HTR2A: variants seen among roughly 807,000 people sequenced by gnomAD.
HTR2A encodes the protein 5-HT2 receptor.
HTR2A carries 14 observed loss-of-function variants against 31.0 expected under a neutral mutation model. The ratio of observed to expected loss-of-function variants is 0.45; its 90% CI spans 0.30 to 0.71. The LOEUF (loss-of-function observed/expected upper bound fraction) is 0.71, where lower values mean the gene tolerates loss of function less well. Among genes scored for constraint, HTR2A ranks in the 30% least tolerant of loss-of-function variants. The pLI is 0.09. For synonymous variants in HTR2A, 209 were observed against 225.2 expected (o/e 0.93, Z 0.64); for missense variants, 442 against 573.3 (o/e 0.77, Z 2.34).
chr13:46,853,558 C>T (rs1376248377), intron 3 of HTR2A, among the ~76,000 whole-genome samples: 1 of 152,158 alleles, frequency 6.6e-6, no homozygotes, highest in Non-Finnish European at 1.5e-5. Context: ...CTGTTTTAAA[C>T]CTCCCCAGAT....
Position 46,891,058 on chromosome 13 carries a change from A to C in HTR2A, c.613+1332T>G, listed in dbSNP as rs1470207357. On this transcript the variant is annotated intron_variant, in intron 3 of 3. Transcript: ENST00000542664. ...TGTTTCCTAAGGAAGGTACAGAAAG[A>C]ACAGGGCATGGTGCTGGAAGTTTAG... Among the ~76,000 whole-genome samples, 11 of 152,244 alleles carry C rather than the reference A, an allele frequency of 7.2e-5. 1 individual carries two copies. The highest frequency in any genetic ancestry group is 7.2e-4 in the Admixed American group (11 of 15,290).
At chr13:46,865,645 A>C (rs146340861) in intron 3 of HTR2A, among the ~76,000 whole-genome samples, 9 of 152,320 alleles carry the variant, frequency 5.9e-5, no homozygotes, top group Non-Finnish European at 1.3e-4. Context: ...GTGTGTACTG[A>C]CCACTGAAAA....
intron 3 of HTR2A, among the ~76,000 whole-genome samples, chr13:46,846,629 G>A (rs150478204): frequency 6.6e-6 from 1 of 152,294 alleles, no homozygotes; most frequent in African/African-American, 2.4e-5. Flanking sequence ...TGTGGATGGT[G>A]ACAATGAAGT....
At chr13:46,877,191 C>T (rs1221031490) in intron 3 of HTR2A, among the ~76,000 whole-genome samples, 2 of 152,044 alleles carry the variant, frequency 1.3e-5, no homozygotes, top group African/African-American at 4.8e-5. Flanking sequence ...ATTTAAAGAA[C>T]AAAAAAACTG....
chr13:46,895,815 T>C lies in HTR2A; in HGVS notation c.92A>G (p.Asp31Gly). ...LNDDTRLYSNDFNSGEANTSD... is the reference protein window; with the variant it reads ...LNDDTRLYSNGFNSGEANTSD... ...AGTGTTAGCTTCTCCGGAGTTAAAGTCATTACTGTAGAGCCTGGTGTCATC... is the reference window on the plus strand; with the variant it reads ...AGTGTTAGCTTCTCCGGAGTTAAAGCCATTACTGTAGAGCCTGGTGTCATC... Residue 31 changes from aspartate to glycine, a missense_variant, in exon 2 of 4, where the codon GAC (aspartate) becomes GGC (glycine). By Grantham distance (94) the Asp-to-Gly change is moderately conservative. Transcript: ENST00000542664. This position sits in a 1 kb window ranked among gnomAD's most constrained non-coding sequence, Gnocchi z 4.4. The C allele has an allele frequency of 6.2e-7, 1 of 1,614,140 alleles. No homozygotes were observed. The highest frequency in any genetic ancestry group is 8.5e-7 in the Non-Finnish European group (1 of 1,179,998).
intron 3 of HTR2A, among the ~76,000 whole-genome samples, chr13:46,855,028 G>A (rs966706542): frequency 1.3e-5 from 2 of 152,082 alleles, no homozygotes; most frequent in African/African-American, 4.8e-5. Context: ...ATTGGGAGAC[G>A]GAACTATAAG....
intron 3 of HTR2A, among the ~76,000 whole-genome samples, chr13:46,872,571 G>A (rs1950870851): frequency 6.6e-6 from 1 of 152,084 alleles, no homozygotes; most frequent in Non-Finnish European, 1.5e-5. Flanking sequence ...TGTTATGTCT[G>A]TTTATTTGAC....
rs542154956 is a variant in HTR2A, at chr13:46,871,518, TAAAC to T, written c.613+20868_613+20871del. ...ACTCATCCATAGTGGAAAAAGAAAA[TAAAC>T]AAGCAATTCAGAAAATACATTATTT... On this transcript the variant is annotated intron_variant, in intron 3 of 3. Coordinates refer to ENST00000542664, the MANE Select transcript of HTR2A (RefSeq NM_000621.5). Among the ~76,000 whole-genome samples, 32 of 152,252 alleles carry T rather than the reference TAAAC, an allele frequency of 2.1e-4. 1 individual carries two copies. Among genetic ancestry groups the T allele is most frequent in the Admixed American group, 1.8e-3 (28 of 15,292 alleles).
chr13:46,893,648 C>A (rs1951073201), intron 2 of HTR2A, among the ~76,000 whole-genome samples: 1 of 152,196 alleles, frequency 6.6e-6, no homozygotes, highest in South Asian at 2.1e-4. Context: ...TACTGCAGGT[C>A]ACCTGCTATA....
intron 2 of HTR2A, among the ~76,000 whole-genome samples, chr13:46,894,333 C>G (rs2138258418): frequency 6.6e-6 from 1 of 152,320 alleles, no homozygotes; most frequent in East Asian, 1.9e-4. Context: ...TCCTCCTACC[C>G]CCACTGGAGT....
Position 46,896,780 on chromosome 13 carries a change from C to A in HTR2A, c.-435G>T. 1.3e-6 allele frequency: 2 copies of A among 1,536,448 alleles called. No individual in the cohort carries two copies. The highest frequency in any genetic ancestry group is 2.4e-5 in the East Asian group (1 of 40,898). ...GAGTCCCCTCTTCTTGATCTTCCACCAGCATAATATGATAGTAATTTGGTT... is the reference window on the plus strand; with the variant it reads ...GAGTCCCCTCTTCTTGATCTTCCACAAGCATAATATGATAGTAATTTGGTT... On this transcript the variant is annotated 5_prime_UTR_variant, in exon 1 of 4. Coordinates refer to ENST00000542664, the MANE Select transcript of HTR2A (RefSeq NM_000621.5).
At chr13:46,897,706 G>A (rs1951114724), upstream of HTR2A, among the ~76,000 whole-genome samples, 1 of 152,196 alleles carries the variant, frequency 6.6e-6, no homozygotes, top group Non-Finnish European at 1.5e-5. Flanking sequence ...TTCCTCAATA[G>A]TTGGGTTTTG....
At chr13:46,837,308 A>T (rs910542214) in intron 3 of HTR2A, among the ~76,000 whole-genome samples, 6 of 152,210 alleles carry the variant, frequency 3.9e-5, no homozygotes, top group African/African-American at 1.4e-4. Context: ...TGGTTGGTCC[A>T]AGGCAATCAT....
intron 3 of HTR2A, among the ~76,000 whole-genome samples, chr13:46,882,229 TA>T (rs10648117): frequency 2.7e-5 from 4 of 148,734 alleles, no homozygotes; most frequent in Middle Eastern, 3.4e-3. Flanking sequence ...TCAGGGAAGT[TA>T]AAAAAAAAAG....
At chr13:46,876,124 T>C (rs1197744915) in intron 3 of HTR2A, among the ~76,000 whole-genome samples, 1 of 151,906 alleles carries the variant, frequency 6.6e-6, no homozygotes, top group Non-Finnish European at 1.5e-5. Flanking sequence ...CTGTTGCTTA[T>C]CGAGCCATAT....
At chr13:46,841,489 G>A (rs1950596727) in intron 3 of HTR2A, among the ~76,000 whole-genome samples, 1 of 151,768 alleles carries the variant, frequency 6.6e-6, no homozygotes, top group Admixed American at 6.6e-5. Flanking sequence ...GAATCACTGA[G>A]GGAGTTTTAA....
chr13:46,870,659 C>A (rs565263376), intron 3 of HTR2A, among the ~76,000 whole-genome samples: 2 of 152,234 alleles, frequency 1.3e-5, no homozygotes, highest in Non-Finnish European at 2.9e-5. Context: ...TGCAAAATAA[C>A]TTTGGAGATT....
At chr13:46,880,744 C>G (rs1950954324) in intron 3 of HTR2A, among the ~76,000 whole-genome samples, 1 of 151,970 alleles carries the variant, frequency 6.6e-6, no homozygotes, top group Non-Finnish European at 1.5e-5. Context: ...GAGGCTGAGG[C>G]AGGAGAATCA....
chr13:46,860,490 T>C (rs1201866347), intron 3 of HTR2A, among the ~76,000 whole-genome samples: 2 of 152,164 alleles, frequency 1.3e-5, no homozygotes, highest in Non-Finnish European at 2.9e-5. Flanking sequence ...ATCACCTTTA[T>C]GTTCTTTTGG....
Sources: allele counts gnomAD v4.1 joint callset (sites outside exome capture counted in the v4.1 genomes callset), GRCh38; gene constraint gnomAD v4.1.1; non-coding constraint Gnocchi (gnomAD v3.1); transcripts MANE v1.5; gene names NCBI Gene and HGNC (gene_info 2026-07-23, HGNC 2026-07-21).